The following ADGRV1 variants were observed in gnomAD, a reference collection of about 807,000 sequenced individuals.
ADGRV1 encodes adhesion G protein-coupled receptor V1.
Under a neutral mutation model 596.2 loss-of-function variants are expected in ADGRV1, and 359 were observed. That is an observed-to-expected ratio of 0.60 (90% CI 0.55 to 0.66). The LOEUF is 0.66. Ranked by LOEUF, ADGRV1 falls within the 30% of genes least tolerant of loss-of-function variation. The pLI, the probability that ADGRV1 is intolerant of heterozygous loss-of-function variation, is 0.00. For synonymous variants in ADGRV1, 2,681 were observed against 2,679.2 expected (o/e 1.00, Z -0.02); for missense variants, 7,274 against 7,575.6 (o/e 0.96, Z 1.48).
At chr5:90,872,104 C>G (rs1050062769) in intron 83 of ADGRV1, among the ~76,000 whole-genome samples, 3 of 152,130 alleles carry the variant, frequency 2.0e-5, no homozygotes, top group African/African-American at 7.2e-5. Context: ...GTGCTTCAGG[C>G]TTTCTTAAAT....
intron 1 of ADGRV1, among the ~76,000 whole-genome samples, chr5:90,595,671 C>T (rs1185999105): frequency 5.2e-5 from 7 of 133,672 alleles, no homozygotes; most frequent in Non-Finnish European, 9.6e-5. Context: ...ACTGACCCCC[C>T]CACCTCCCTC....
Position 90,603,232 on chromosome 5 carries a change from T to C in ADGRV1, c.23-11603T>C, listed in dbSNP as rs1315491942. 1.7e-4 allele frequency among the ~76,000 whole-genome samples: 26 copies of C among 152,234 alleles called. 1 individual carries two copies. The highest frequency in any genetic ancestry group is 3.8e-4 in the Non-Finnish European group (26 of 68,040). ...TCAGAAGCCCCAACATTTTGTTCTT[T>C]CACATACAGTGTTGTAATTCATTTC... is the stretch of plus-strand genomic sequence containing the variant. On this transcript the variant is annotated intron_variant, in intron 1 of 89. Coordinates refer to ENST00000405460, the MANE Select transcript of ADGRV1 (RefSeq NM_032119.4).
At chr5:90,823,660 T>C in intron 76 of ADGRV1, 64 bp downstream of exon 76, 1 of 1,400,212 alleles carries the variant, frequency 7.1e-7, no homozygotes, top group Non-Finnish European at 1.0e-6. Context: ...TTAATCATTT[T>C]AAAACCACTA....
At chr5:91,110,623 A>G (rs1285205071) in intron 87 of ADGRV1, among the ~76,000 whole-genome samples, 2 of 152,142 alleles carry the variant, frequency 1.3e-5, no homozygotes, top group Non-Finnish European at 2.9e-5. Context: ...TTTACTGACA[A>G]TTTTCTCACA....
chr5:90,995,723 T>C (rs994516470), intron 85 of ADGRV1, among the ~76,000 whole-genome samples: 8 of 152,222 alleles, frequency 5.3e-5, no homozygotes, highest in African/African-American at 1.7e-4. Context: ...TGTTAAATTA[T>C]TGTGACCAAA....
intron 85 of ADGRV1, among the ~76,000 whole-genome samples, chr5:91,021,148 A>G (rs1461747672): frequency 6.6e-6 from 1 of 152,126 alleles, no homozygotes; most frequent in East Asian, 1.9e-4. Flanking sequence ...CAGTTAACTT[A>G]TTGTTGGAAC....
chr5:90,857,908 G>A (rs1767176771), intron 82 of ADGRV1, among the ~76,000 whole-genome samples: 1 of 152,150 alleles, frequency 6.6e-6, no homozygotes, highest in African/African-American at 2.4e-5. Context: ...AAATACGGCA[G>A]TATACAATTA....
chr5:90,825,035 C>T (rs1306965249), intron 76 of ADGRV1, among the ~76,000 whole-genome samples: 3 of 152,074 alleles, frequency 2.0e-5, no homozygotes, highest in African/African-American at 7.2e-5. Context: ...CTCCTGAGTT[C>T]AAGCGATTCT....
intron 87 of ADGRV1, among the ~76,000 whole-genome samples, chr5:91,108,751 TG>T (rs1417646436): frequency 6.6e-6 from 1 of 152,090 alleles, no homozygotes; most frequent in African/African-American, 2.4e-5. Context: ...CCACCATGCC[TG>T]GCTATTTTTT....
chr5:90,820,775 C>T (rs1455166482), intron 75 of ADGRV1, among the ~76,000 whole-genome samples: 4 of 151,590 alleles, frequency 2.6e-5, no homozygotes, highest in East Asian at 2.0e-4. Flanking sequence ...GGGTTTCTGC[C>T]GAGAGATCCG....
intron 60 of ADGRV1, among the ~76,000 whole-genome samples, chr5:90,775,693 G>T (rs1161028162): frequency 6.6e-6 from 1 of 152,040 alleles, no homozygotes; most frequent in Non-Finnish European, 1.5e-5. Flanking sequence ...GCCCAGGCTG[G>T]TCTTGAACTC....
chr5:90,698,796 G>C (rs973853121), intron 34 of ADGRV1, among the ~76,000 whole-genome samples: 1 of 152,072 alleles, frequency 6.6e-6, no homozygotes, highest in Admixed American at 6.6e-5. Flanking sequence ...TTACCTGAGA[G>C]GAGAGAGAAG....
chr5:90,815,317 C>T (rs1762790818), intron 74 of ADGRV1, among the ~76,000 whole-genome samples: 1 of 152,072 alleles, frequency 6.6e-6, no homozygotes, highest in African/African-American at 2.4e-5. Context: ...AGATAAATAT[C>T]TAAAATTTCA....
At chr5:91,127,306 G>A (rs577977526) in intron 87 of ADGRV1, among the ~76,000 whole-genome samples, 1 of 152,298 alleles carries the variant, frequency 6.6e-6, no homozygotes, top group Admixed American at 6.5e-5. Flanking sequence ...TTGGGAGGCT[G>A]ATGTGGGCAG....
chr5:90,637,995 C>A, intron 11 of ADGRV1, 47 bp downstream of exon 11: 1 of 1,322,956 alleles, frequency 7.6e-7, no homozygotes, highest in Non-Finnish European at 1.1e-6. Context: ...TGTTTGAGTT[C>A]TCTTCAATAA....
intron 86 of ADGRV1, among the ~76,000 whole-genome samples, chr5:91,081,987 C>T (rs1003140957): frequency 1.6e-4 from 25 of 151,988 alleles, no homozygotes; most frequent in Admixed American, 5.2e-4. Context: ...AGAGAGGAGA[C>T]GGAATAGAAT....
intron 59 of ADGRV1, among the ~76,000 whole-genome samples, 177 bp downstream of exon 59, chr5:90,763,646 A>G (rs556342957): frequency 9.2e-5 from 14 of 152,250 alleles, no homozygotes; most frequent in African/African-American, 3.4e-4. Flanking sequence ...ATAGTACCCA[A>G]TAGGTAGTTT....
Position 91,030,845 on chromosome 5 carries a change from A to G in ADGRV1, c.18153-41602A>G, listed in dbSNP as rs1252624236. On this transcript the variant is annotated intron_variant, in intron 85 of 89. Transcript: ENST00000405460. ...AAAATTCATTATTATTCAGATAAAGATACCCCCTAATTACATGTTTTTGAA... is the reference window on the plus strand; with the variant it reads ...AAAATTCATTATTATTCAGATAAAGGTACCCCCTAATTACATGTTTTTGAA... 7.3e-6 allele frequency: 3 copies of G among 412,882 alleles called. No homozygotes were observed. The East Asian group carries it at 1.1e-4, about 15-fold the overall frequency. The allele number at this position is 412,882 out of a possible 1,614,324, so 25.6% of individuals were successfully genotyped here. A position where few individuals can be genotyped will look rare whatever the true frequency, so the allele number is the denominator to read the frequency against.
intron 50 of ADGRV1, among the ~76,000 whole-genome samples, chr5:90,735,283 T>C (rs1272960735): frequency 6.6e-6 from 1 of 152,234 alleles, no homozygotes; most frequent in African/African-American, 2.4e-5. Context: ...TCTTTCTTCA[T>C]TGTGTGTTCT....
Sources: allele counts gnomAD v4.1 joint callset (sites outside exome capture counted in the v4.1 genomes callset), GRCh38; gene constraint gnomAD v4.1.1; transcripts MANE v1.5; gene names NCBI Gene and HGNC (gene_info 2026-07-23, HGNC 2026-07-21).